The following LRRC18 variants were observed in gnomAD, a reference collection of about 807,000 sequenced individuals.
LRRC18 encodes leucine rich repeat containing 18.
A neutral mutation model predicts 11.2 loss-of-function variants in LRRC18; 12 were observed. The observed-to-expected ratio is 1.07, with a 90% confidence interval of 0.69 to 1.74. The LOEUF (loss-of-function observed/expected upper bound fraction) is 1.74, where lower values mean the gene tolerates loss of function less well. LRRC18 is among the 40% of genes most tolerant of loss of function. The pLI is 0.00. For missense variants in LRRC18, 374 were observed against 330.5 expected, an observed-to-expected ratio of 1.13 and a Z score of -1.02; for synonymous variants, 155 against 130.6, an observed-to-expected ratio of 1.19 and a Z score of -1.27.
chr10:48,933,370 G>A, the LRRC18 span, among the ~76,000 whole-genome samples: 12 of 152,206 alleles, frequency 7.9e-5, no homozygotes, highest in Admixed American at 1.3e-4. Flanking sequence ...CGCATGCCTC[G>A]ACTGGAGCCA....
chr10:48,933,419 A>G, the LRRC18 span, among the ~76,000 whole-genome samples: 14 of 152,224 alleles, frequency 9.2e-5, no homozygotes, highest in Non-Finnish European at 1.0e-4. Context: ...CTTAGCTGCC[A>G]TCTGGCTTTT....
chr10:48,929,504 G>A, the LRRC18 span, among the ~76,000 whole-genome samples: 985 of 152,232 alleles, frequency 6.5e-3, 14 homozygotes, highest in African/African-American at 0.022. Flanking sequence ...CCTCTGCCAC[G>A]TGCCCCCTGA....
At chr10:48,935,560 C>T in the LRRC18 span, among the ~76,000 whole-genome samples, 4 of 152,252 alleles carry the variant, frequency 2.6e-5, no homozygotes, top group Non-Finnish European at 4.4e-5. Flanking sequence ...ACATCACTCC[C>T]CTTTCTTCGA....
At chr10:48,938,815 T>C in the LRRC18 span, among the ~76,000 whole-genome samples, 22 of 152,330 alleles carry the variant, frequency 1.4e-4, no homozygotes, top group African/African-American at 5.3e-4. Flanking sequence ...GACGTCCTGA[T>C]TCAGAGATAA....
chr10:48,924,246 C>T, the LRRC18 span, among the ~76,000 whole-genome samples: 1 of 152,234 alleles, frequency 6.6e-6, no homozygotes, highest in Admixed American at 6.5e-5. Flanking sequence ...GGGACCCTTC[C>T]TCTCAGTTAT....
the LRRC18 span, among the ~76,000 whole-genome samples, chr10:48,939,780 C>T: frequency 2.0e-5 from 3 of 152,162 alleles, no homozygotes; most frequent in East Asian, 1.9e-4. Context: ...CTGGTAATGG[C>T]GTCTTTCTCT....
the LRRC18 span, among the ~76,000 whole-genome samples, chr10:48,926,575 G>A: frequency 1.3e-5 from 2 of 152,138 alleles, no homozygotes; most frequent in African/African-American, 4.8e-5. Flanking sequence ...GGCAAATAAG[G>A]TCCCTGAAGA....
intron 1 of LRRC18, among the ~76,000 whole-genome samples, chr10:48,911,236 T>C (rs1293572419): frequency 6.6e-6 from 1 of 152,192 alleles, no homozygotes; most frequent in Non-Finnish European, 1.5e-5. Flanking sequence ...TCATGAGTCA[T>C]TTCAGACAGT....
upstream of LRRC18, among the ~76,000 whole-genome samples, chr10:48,918,303 A>G (rs1407983053): frequency 6.6e-6 from 1 of 152,188 alleles, no homozygotes; most frequent in African/African-American, 2.4e-5. Context: ...TAGATTACAA[A>G]AGAAAAAGAC....
At chr10:48,933,543 G>C in the LRRC18 span, among the ~76,000 whole-genome samples, 4 of 152,338 alleles carry the variant, frequency 2.6e-5, no homozygotes, top group East Asian at 7.7e-4. Context: ...CAGGAGCTGA[G>C]CTAGATCCTG....
chr10:48,920,815 G>A, the LRRC18 span, among the ~76,000 whole-genome samples: 11 of 152,154 alleles, frequency 7.2e-5, no homozygotes, highest in South Asian at 4.1e-4. Flanking sequence ...CAAGGCCATA[G>A]GATACAAGGT....
At chr10:48,915,956 G>A (rs1838490082), upstream of LRRC18, among the ~76,000 whole-genome samples, 1 of 152,172 alleles carries the variant, frequency 6.6e-6, no homozygotes, top group Non-Finnish European at 1.5e-5. Flanking sequence ...ATTCAGCTCT[G>A]AGAAACCAGA....
exon 2 of LRRC18, chr10:48,910,055 G>A (rs1402423378): frequency 5.1e-6 from 3 of 590,218 alleles, no homozygotes; most frequent in Non-Finnish European, 9.2e-6. Context: ...CACACAGGTG[G>A]GCTAAAGCTA....
chr10:48,939,493 C>T, the LRRC18 span, among the ~76,000 whole-genome samples: 1 of 152,228 alleles, frequency 6.6e-6, no homozygotes, highest in Non-Finnish European at 1.5e-5. Flanking sequence ...ACAGCCAGAG[C>T]TCTTTCTCAG....
At chr10:48,931,380 C>A in the LRRC18 span, among the ~76,000 whole-genome samples, 31 of 152,300 alleles carry the variant, frequency 2.0e-4, no homozygotes, top group African/African-American at 7.2e-4. Context: ...GGGGGAGGAG[C>A]AGGCAGCCCA....
exon 2 of LRRC18, chr10:48,910,234 A>T (rs746862775): frequency 1.2e-5 from 19 of 1,612,596 alleles, no homozygotes; most frequent in Non-Finnish European, 1.5e-5. Flanking sequence ...TGCCACAGCT[A>T]CTCTAGGAAG....
At chr10:48,912,076 G>A (rs1052359706) in intron 1 of LRRC18, among the ~76,000 whole-genome samples, 1 of 152,170 alleles carries the variant, frequency 6.6e-6, no homozygotes, top group South Asian at 2.1e-4. Context: ...CTCCCTCAAG[G>A]TATCATTCTT....
the LRRC18 span, chr10:48,932,692 A>T: frequency 6.6e-6 from 1 of 152,048 alleles, no homozygotes; most frequent in African/African-American, 2.4e-5. Context: ...ACCAAGGAGC[A>T]TTTCAGTTGG....
chr10:48,933,140 G>T, the LRRC18 span, among the ~76,000 whole-genome samples: 1 of 152,198 alleles, frequency 6.6e-6, no homozygotes, highest in Non-Finnish European at 1.5e-5. Context: ...TCCAGGCTCT[G>T]TGGTGGAAGC....
Sources: gnomAD v4.1 joint callset for allele counts (sites outside exome capture counted in the v4.1 genomes callset) on GRCh38, gnomAD v4.1.1 for gene constraint, MANE v1.5 for transcripts, NCBI Gene and HGNC (gene_info 2026-07-23, HGNC 2026-07-21) for gene names.